The following HLCS variants were observed in gnomAD, a reference collection of about 807,000 sequenced individuals.
HLCS encodes the protein biotin--protein ligase.
In HLCS, 53 loss-of-function variants were observed where a neutral mutation model predicts 75.0. That is an observed-to-expected ratio of 0.71 (90% CI 0.57 to 0.89). HLCS has a LOEUF of 0.89. Ranked by LOEUF, HLCS falls within the 40% of genes least tolerant of loss-of-function variation. The probability of loss-of-function intolerance (pLI) is 0.00; values close to 1 mark genes in which losing one functional copy is unlikely to be tolerated. For synonymous variants in HLCS, 431 were observed against 428.6 expected, an observed-to-expected ratio of 1.01 and a Z score of -0.07; for missense variants, 966 against 1,074.0, an observed-to-expected ratio of 0.90 and a Z score of 1.41.
Position 36,938,823 on chromosome 21 carries a change from G to C in HLCS, c.493+9C>G, listed in dbSNP as rs886057078. ...CTGGCCAATAAAAACATTTTCTAAA[G>C]TTACTTACACACAATCTTTTGGGGT... On this transcript the variant is annotated intron_variant, in intron 3 of 10. Coordinates refer to ENST00000674895, the MANE Select transcript of HLCS (RefSeq NM_001352514.2). 1.4e-5 allele frequency: 22 copies of C among 1,613,828 alleles called. No homozygotes were observed. The highest frequency in any genetic ancestry group is 1.9e-5 in the Non-Finnish European group (22 of 1,179,930).
rs1323309241 is a variant in HLCS at position 36,753,253 on chromosome 21, A to G, written c.*993T>C. 4 of 152,754 alleles carry G rather than the reference A, an allele frequency of 2.6e-5. 1 individual carries two copies. The highest frequency in any genetic ancestry group is 3.9e-4 in the East Asian group (2 of 5,190). 9.5% of individuals were successfully genotyped at this position (152,754 alleles called of 1,614,324 possible). On this transcript the variant is annotated 3_prime_UTR_variant, in exon 11 of 11. Coordinates refer to ENST00000674895, the MANE Select transcript of HLCS (RefSeq NM_001352514.2). The surrounding 1 kb of genome is among the most constrained non-coding windows in gnomAD (Gnocchi z 4.3). ...ATTTTCTTTCTTGGTAATACGAGGT[A>G]AATGAGGGGGGCAAAAACTTATGAC... is the stretch of plus-strand genomic sequence containing the variant.
rs138645579 is a variant in HLCS at position 36,878,767 on chromosome 21, T to A, written c.1892+18093A>T. Among the ~76,000 whole-genome samples the A allele has an allele frequency of 2.3e-3, 346 of 152,310 alleles. 2 individuals are homozygous for A. The highest frequency in any genetic ancestry group is 7.7e-3 in the African/African-American group (322 of 41,578). On this transcript the variant is annotated intron_variant, in intron 6 of 10. Transcript: ENST00000674895. Reference sequence around the variant, plus strand: ...GCCTGATTTTCTTTTGTAATAAGATTAGTATACAAGTAGATATTGGAAGTA... The same window carrying A: ...GCCTGATTTTCTTTTGTAATAAGATAAGTATACAAGTAGATATTGGAAGTA...
Position 36,958,976 on chromosome 21 carries a change from G to A in HLCS, c.330+3060C>T, listed in dbSNP as rs575328478. Among the ~76,000 whole-genome samples the A allele has an allele frequency of 4.6e-5, 7 of 152,310 alleles. No homozygotes were observed. In the East Asian group the frequency reaches 1.4e-3, roughly 29 times the overall value. On this transcript the variant is annotated intron_variant, in intron 2 of 10. Transcript: ENST00000674895. Reference sequence around the variant, plus strand: ...GCAGCCAGTCTGGAGCAGGGTAGGCGCGGCCAGGGATACGCGCTCTGTGGA... The same window carrying A: ...GCAGCCAGTCTGGAGCAGGGTAGGCACGGCCAGGGATACGCGCTCTGTGGA...
chr21:36,796,736 G>C (rs890154583), intron 6 of HLCS, among the ~76,000 whole-genome samples: 3 of 152,162 alleles, frequency 2.0e-5, no homozygotes, highest in African/African-American at 7.2e-5. Context: ...AGGGATATGT[G>C]GGGGACCCAT....
In HLCS at chr21:36,982,848, G is replaced by A. The variant is rs141628769; in HGVS notation, c.-393+7310C>T. On this transcript the variant is annotated intron_variant, in intron 1 of 11. Transcript: ENST00000336648. ...GTTGAAGACCAGCCTGGCCAAGATG[G>A]TGAAACCCCATCTCTACTAAAAATA... Among the ~76,000 whole-genome samples the A allele has an allele frequency of 3.2e-4, 49 of 152,248 alleles. No individual in the cohort carries two copies. The East Asian group carries it at 8.1e-3, about 25-fold the overall frequency.
At chr21:36,965,378 G>C (rs1244109193) in intron 1 of HLCS, among the ~76,000 whole-genome samples, 1 of 152,238 alleles carries the variant, frequency 6.6e-6, no homozygotes, top group African/African-American at 2.4e-5. Flanking sequence ...ATTTTGTGCA[G>C]TACTGCACTG....
intron 6 of HLCS, among the ~76,000 whole-genome samples, chr21:36,829,998 A>G (rs2062143929): frequency 6.6e-6 from 1 of 152,246 alleles, no homozygotes; most frequent in African/African-American, 2.4e-5. Context: ...AACTGTATTT[A>G]GAGACAGGGT....
chr21:36,858,944 C>T (rs1361099061), intron 6 of HLCS, among the ~76,000 whole-genome samples: 2 of 152,206 alleles, frequency 1.3e-5, no homozygotes, highest in Non-Finnish European at 2.9e-5. Flanking sequence ...TGGGGCAGGA[C>T]TTCCTACCAG....
intron 1 of HLCS, chr21:36,986,656 G>A (rs2069234977): frequency 6.6e-6 from 1 of 152,402 alleles, no homozygotes; most frequent in Middle Eastern, 3.4e-3. Context: ...GACCTCAGGT[G>A]ATCCACCCGC....
chr21:36,867,146 A>C (rs2063586331), intron 6 of HLCS, among the ~76,000 whole-genome samples: 1 of 152,208 alleles, frequency 6.6e-6, no homozygotes. Flanking sequence ...TTCCCATAAA[A>C]GAGAAACATC....
intron 6 of HLCS, among the ~76,000 whole-genome samples, chr21:36,850,794 A>G (rs913630487): frequency 6.6e-6 from 1 of 152,062 alleles, no homozygotes; most frequent in African/African-American, 2.4e-5. Context: ...CTTGCCCTCA[A>G]ATGTTCATGC....
intron 6 of HLCS, among the ~76,000 whole-genome samples, chr21:36,836,455 C>G: frequency 9.0e-6 from 1 of 111,150 alleles, no homozygotes; most frequent in South Asian, 3.9e-4. Context: ...AATGCTATCC[C>G]TCCCCCCTCC....
chr21:36,770,735 G>T (rs903083118), intron 6 of HLCS, among the ~76,000 whole-genome samples: 1 of 151,822 alleles, frequency 6.6e-6, no homozygotes, highest in Admixed American at 6.6e-5. Context: ...CACCACACCT[G>T]GCTAATTTTT....
rs776064678 is a variant in HLCS at position 36,752,652 on chromosome 21, T to G, written c.*1594A>C. ...AGTGGTTTTTTTTGTGTTTTTTGTT[T>G]GTTTGTTTTTTGAGAAAAATAATTC... On this transcript the variant is annotated 3_prime_UTR_variant, in exon 11 of 11. Transcript: ENST00000674895. 2 of 152,650 alleles carry G rather than the reference T, an allele frequency of 1.3e-5. No individual in the cohort carries two copies. The highest frequency in any genetic ancestry group is 2.4e-5 in the African/African-American group (1 of 41,450). The allele number at this position is 152,650 out of a possible 1,614,324, so 9.5% of individuals were successfully genotyped here.
At chr21:36,942,331 G>A (rs2067181789) in intron 2 of HLCS, among the ~76,000 whole-genome samples, 1 of 149,722 alleles carries the variant, frequency 6.7e-6, no homozygotes, top group Admixed American at 6.7e-5. Flanking sequence ...CCTGAGAGGT[G>A]GAGGTTGTGG....
At chr21:36,964,392 C>T (rs2068461703) in intron 1 of HLCS, among the ~76,000 whole-genome samples, 1 of 152,204 alleles carries the variant, frequency 6.6e-6, no homozygotes. Flanking sequence ...TCAAGCTTTC[C>T]ACCTGTAGAC....
intron 5 of HLCS, among the ~76,000 whole-genome samples, chr21:36,929,489 T>C (rs1256521072): frequency 6.6e-6 from 1 of 152,292 alleles, no homozygotes; most frequent in Non-Finnish European, 1.5e-5. Flanking sequence ...TTAAAAAATG[T>C]TGGGATGAGA....
chr21:36,890,106 A>C (rs527552600), intron 6 of HLCS, among the ~76,000 whole-genome samples: 59 of 152,242 alleles, frequency 3.9e-4, no homozygotes, highest in Non-Finnish European at 5.9e-4. Flanking sequence ...CCTTGTGAAG[A>C]AGGTGCCTTG....
intron 6 of HLCS, among the ~76,000 whole-genome samples, chr21:36,867,569 T>C (rs1000809389): frequency 2.6e-5 from 4 of 152,172 alleles, no homozygotes; most frequent in Non-Finnish European, 1.5e-5. Flanking sequence ...AGAAAATCTC[T>C]ACCCCTCTAT....
Sources: allele counts gnomAD v4.1 joint callset (sites outside exome capture counted in the v4.1 genomes callset), GRCh38; gene constraint gnomAD v4.1.1; non-coding constraint Gnocchi (gnomAD v3.1); transcripts MANE v1.5; gene names NCBI Gene and HGNC (gene_info 2026-07-23, HGNC 2026-07-21).